MTMR14: variants seen among roughly 807,000 people sequenced by gnomAD.
MTMR14 encodes phosphatidylinositol-3,5-bisphosphate 3-phosphatase MTMR14.
In MTMR14, 48 loss-of-function variants were observed where a neutral mutation model predicts 86.3. That is an observed-to-expected ratio of 0.56 (90% CI 0.44 to 0.71). The LOEUF (loss-of-function observed/expected upper bound fraction) is 0.71. Ranked by LOEUF, MTMR14 falls within the 30% of genes least tolerant of loss-of-function variation. The pLI, the probability that MTMR14 is intolerant of heterozygous loss-of-function variation, is 0.00. For missense variants in MTMR14, 780 were observed against 834.6 expected, an observed-to-expected ratio of 0.93 and a Z score of 0.81; for synonymous variants, 366 against 326.1, an observed-to-expected ratio of 1.12 and a Z score of -1.32.
chr3:9,662,406 C>T lies in MTMR14; in HGVS notation c.417+31C>T, dbSNP rs375332156. ...GCCCATACCATAGCTTCATGCTCCACGACTCTCTTCTGGGGTAGCTGACTT... is the reference window on the plus strand; with the variant it reads ...GCCCATACCATAGCTTCATGCTCCATGACTCTCTTCTGGGGTAGCTGACTT... On this transcript the variant is annotated intron_variant, in intron 3 of 18. Coordinates refer to ENST00000296003, the MANE Select transcript of MTMR14 (RefSeq NM_001077525.3). 7.6e-5 allele frequency: 119 copies of T among 1,569,236 alleles called. 1 individual carries two copies. Among genetic ancestry groups the T allele is most frequent in the African/African-American group, 7.3e-4 (54 of 74,094 alleles).
chr3:9,666,909 GTGTC>G (rs2048284090), intron 3 of MTMR14, among the ~76,000 whole-genome samples: 1 of 152,226 alleles, frequency 6.6e-6, no homozygotes, highest in Non-Finnish European at 1.5e-5. Flanking sequence ...AAAGGAACAG[GTGTC>G]TATCAAGAGG....
intron 12 of MTMR14, 123 bp from the exon 13 acceptor site, chr3:9,685,088 C>T: frequency 6.7e-7 from 1 of 1,494,592 alleles, no homozygotes; most frequent in Non-Finnish European, 9.3e-7. Context: ...AGGACCGAAG[C>T]TGCTGATCAG....
At position 9,668,781 on chromosome 3, in the gene MTMR14, CTA is replaced by C. The variant is rs2048399920; in HGVS notation, c.482_483del (p.Tyr161PhefsTer8). 1.2e-6 allele frequency: 2 copies of C among 1,614,156 alleles called. No individual in the cohort carries two copies. Among genetic ancestry groups the C allele is most frequent in the East Asian group, 4.5e-5 (2 of 44,888 alleles). On this transcript the variant is annotated frameshift_variant, in exon 4 of 19. Coordinates refer to ENST00000296003, the MANE Select transcript of MTMR14 (RefSeq NM_001077525.3). LOFTEE classifies it high-confidence loss of function. ...AGCTGTATGGACGCTCAGGCTACAA[CTA>C]TTTTTTCTCAGGTGAATGTTGAACA... ...GELYGRSGYN[Y>X]FFSGGADDAW...
At chr3:9,656,567 G>A (rs2047619328) in intron 2 of MTMR14, among the ~76,000 whole-genome samples, 1 of 151,786 alleles carries the variant, frequency 6.6e-6, no homozygotes, top group Non-Finnish European at 1.5e-5. Flanking sequence ...AATTACAGGT[G>A]TGTGGCACCA....
intron 17 of MTMR14, among the ~76,000 whole-genome samples, chr3:9,693,074 G>T (rs987142817): frequency 6.6e-6 from 1 of 152,136 alleles, no homozygotes; most frequent in South Asian, 2.1e-4. Flanking sequence ...CAAACCTTCT[G>T]TATCAGCCTT....
At chr3:9,658,469 T>C (rs570490486) in intron 2 of MTMR14, among the ~76,000 whole-genome samples, 2 of 152,322 alleles carry the variant, frequency 1.3e-5, no homozygotes, top group Non-Finnish European at 2.9e-5. Context: ...ATAGATGAAG[T>C]CCTTACCAGT....
rs41390449 is a variant in MTMR14, at chr3:9,685,956, G to A, written c.1164+709G>A. Among the ~76,000 whole-genome samples the A allele has an allele frequency of 6.0e-3, 914 of 152,208 alleles. 11 individuals carry two copies. Among genetic ancestry groups the A allele is most frequent in the Admixed American group, 0.026 (397 of 15,292 alleles). On this transcript the variant is annotated intron_variant, in intron 13 of 18. Coordinates refer to ENST00000296003, the MANE Select transcript of MTMR14 (RefSeq NM_001077525.3). ...CACCTTGAGTCTCCTGGTGTCAAGC[G>A]TGAGAGAATGAGTCCAGGTGCCCAG...
At chr3:9,662,140 A>G in intron 2 of MTMR14, 127 bp from the exon 3 acceptor site, 1 of 719,272 alleles carries the variant, frequency 1.4e-6, no homozygotes, top group Non-Finnish European at 2.5e-6. Context: ...AAATTTAGGA[A>G]TGACATTTAA....
chr3:9,697,871 G>A lies in MTMR14; in HGVS notation c.1769+5G>A. ...TGAGCTCCCTAACAGTTGTCTGTAA[G>A]TGTCTTGCTTGAGAAGGCAGGATGC... On this transcript the variant is annotated splice_donor_5th_base_variant and intron_variant, in intron 18 of 18. Transcript: ENST00000296003. 6.2e-7 allele frequency: 1 copy of A among 1,614,096 alleles called. No homozygotes were observed. The highest frequency in any genetic ancestry group is 1.1e-5 in the South Asian group (1 of 91,090).
At chr3:9,696,903 C>T (rs2076297600) in intron 17 of MTMR14, among the ~76,000 whole-genome samples, 1 of 152,146 alleles carries the variant, frequency 6.6e-6, no homozygotes. Context: ...TGATGTCTCC[C>T]TATTGCCTCC....
intron 3 of MTMR14, among the ~76,000 whole-genome samples, chr3:9,662,765 T>C (rs1209746872): frequency 6.6e-6 from 1 of 152,232 alleles, no homozygotes; most frequent in African/African-American, 2.4e-5. Flanking sequence ...ATTATATAAT[T>C]CACCAAGTAT....
intron 13 of MTMR14, among the ~76,000 whole-genome samples, chr3:9,685,994 C>CCCACGGTG (rs2075936628): frequency 2.0e-5 from 3 of 152,110 alleles, no homozygotes; most frequent in African/African-American, 7.2e-5. Flanking sequence ...TGGAAGCTGT[C>CCCACGGTG]CCACGGTGTC....
chr3:9,655,762 C>A (rs1191778837), intron 2 of MTMR14, among the ~76,000 whole-genome samples: 1 of 151,808 alleles, frequency 6.6e-6, no homozygotes, highest in Non-Finnish European at 1.5e-5. Context: ...CACCCGGCCT[C>A]TTGATGTCTT....
chr3:9,660,587 G>A (rs982920942), intron 2 of MTMR14, among the ~76,000 whole-genome samples: 2 of 152,026 alleles, frequency 1.3e-5, no homozygotes, highest in African/African-American at 4.8e-5. Flanking sequence ...CTAAGAATTC[G>A]CAGTATTTTA....
At position 9,684,917 on chromosome 3, in the gene MTMR14, C is replaced by T. The variant is rs373100286; in HGVS notation, c.1080C>T (p.Pro360=). Residue 360 remains proline (P), a synonymous_variant, in exon 12 of 19, where the codon CCC becomes CCT. Transcript: ENST00000296003. ...ADGLIHTSLK[P]TEILYLTVAY... is the part of the protein sequence containing the mutation. ...GGCTCATCCACACGTCCCTGAAGCC[C>T]ACTGAGATCCTCTACCTCACTGTGG... is the stretch of plus-strand genomic sequence containing the variant. The T allele has an allele frequency of 3.7e-6, 6 of 1,614,166 alleles. No homozygotes were observed. The highest frequency in any genetic ancestry group is 5.1e-6 in the Non-Finnish European group (6 of 1,180,030).
intron 9 of MTMR14, among the ~76,000 whole-genome samples, chr3:9,679,420 A>G (rs1367577116): frequency 6.6e-6 from 1 of 152,186 alleles, no homozygotes; most frequent in Non-Finnish European, 1.5e-5. Flanking sequence ...CTCTGCCCCA[A>G]GCCACCCTCT....
In MTMR14 at chr3:9,701,999, GCTC is replaced by G. The variant is rs891731532; in HGVS notation, c.*30_*32del. ...AGAAGCCAGCCCATGACATTTTCCT[GCTC>G]CTCTCTCAGCTGAGCCCTTAGCAGA... On this transcript the variant is annotated 3_prime_UTR_variant, in exon 19 of 19. Coordinates refer to ENST00000296003, the MANE Select transcript of MTMR14 (RefSeq NM_001077525.3). This position sits in a 1 kb window ranked among gnomAD's most constrained non-coding sequence, Gnocchi z 4.2. 6.2e-7 allele frequency: 1 copy of G among 1,613,444 alleles called. No individual in the cohort carries two copies. Among genetic ancestry groups the G allele is most frequent in the African/African-American group, 1.3e-5 (1 of 74,928 alleles).
intron 2 of MTMR14, 70 bp downstream of exon 2, chr3:9,653,839 T>C: frequency 6.3e-7 from 1 of 1,598,160 alleles, no homozygotes; most frequent in Non-Finnish European, 8.6e-7. Context: ...GGCCAGGAAG[T>C]CTGTAGCTGG....
At chr3:9,686,558 G>T (rs1344320553) in intron 13 of MTMR14, among the ~76,000 whole-genome samples, 1 of 152,218 alleles carries the variant, frequency 6.6e-6, no homozygotes, top group Non-Finnish European at 1.5e-5. Flanking sequence ...AAACACGATT[G>T]TGTCGTCTCC....
Sources: allele counts gnomAD v4.1 joint callset (sites outside exome capture counted in the v4.1 genomes callset), GRCh38; gene constraint gnomAD v4.1.1; non-coding constraint Gnocchi (gnomAD v3.1); transcripts MANE v1.5; gene names NCBI Gene and HGNC (gene_info 2026-07-23, HGNC 2026-07-21).